Variants in KAT6B observed in about 807,000 individuals in gnomAD.
KAT6B encodes lysine acetyltransferase 6B, also known as histone acetyltransferase KAT6B.
KAT6B carries 10 observed loss-of-function variants against 187.5 expected under a neutral mutation model. The observed-to-expected ratio is 0.05, with a 90% CI of 0.03 to 0.09. The LOEUF (loss-of-function observed/expected upper bound fraction) is 0.09. KAT6B is among the 10% of genes least tolerant of loss of function. The pLI is 1.00. For missense variants in KAT6B, 1,952 were observed against 2,558.9 expected (o/e 0.76, Z 5.12); for synonymous variants, 861 against 926.8 (o/e 0.93, Z 1.29).
intron 13 of KAT6B, among the ~76,000 whole-genome samples, chr10:74,996,768 CAAAAA>C (rs56042160): frequency 2.6e-5 from 2 of 77,078 alleles, no homozygotes; most frequent in African/African-American, 4.9e-5. Flanking sequence ...GACTCGGTCT[CAAAAA>C]AAAAAAAAAA....
upstream of KAT6B, chr10:74,825,440 G>C (rs947355509): frequency 6.6e-6 from 1 of 151,330 alleles, no homozygotes; most frequent in Non-Finnish European, 1.5e-5. The surrounding 1 kb of genome is among the most constrained non-coding windows in gnomAD (Gnocchi z 5.0). Flanking sequence ...CGGGCGGCGC[G>C]GGGGGAGCGG....
chr10:74,838,351 T>G (rs1302728010), intron 1 of KAT6B, among the ~76,000 whole-genome samples: 1 of 152,166 alleles, frequency 6.6e-6, no homozygotes, highest in East Asian at 1.9e-4. Flanking sequence ...TGAGTAGTAG[T>G]GGGTTTTTGT....
chr10:74,894,823 A>G (rs12260609), intron 3 of KAT6B, among the ~76,000 whole-genome samples: 45,500 of 152,038 alleles, frequency 0.3, 12,307 homozygotes, highest in African/African-American at 0.71. Flanking sequence ...TCTGTTGGTG[A>G]ACATTTAGGG....
chr10:74,890,181 GGCACATGCCAGCT>G lies in KAT6B; in HGVS notation c.621+46706_621+46718del, dbSNP rs796561041. 3.9e-5 allele frequency among the ~76,000 whole-genome samples: 6 copies of G among 152,244 alleles called. No homozygotes were observed. The East Asian group carries it at 1.2e-3, about 29-fold the overall frequency. On this transcript the variant is annotated intron_variant, in intron 3 of 17. Transcript: ENST00000287239. ...AGCCTCCCCAGTAGCTGGGACTACA[GGCACATGCCAGCT>G]GCCTGGCTCATTTTGTATTTTTAGT...
Position 74,838,279 on chromosome 10 carries a change from T to C in KAT6B, c.-328-404T>C, listed in dbSNP as rs143181049. Among the ~76,000 whole-genome samples, 341 of 152,364 alleles carry C rather than the reference T, an allele frequency of 2.2e-3. 1 individual carries two copies. Among genetic ancestry groups the C allele is most frequent in the African/African-American group, 7.8e-3 (325 of 41,586 alleles). ...GAATGCTGCCCAGGAATGTGAATGCTGACCTTAAAACAACTTTTGACTGTC... is the reference window on the plus strand; with the variant it reads ...GAATGCTGCCCAGGAATGTGAATGCCGACCTTAAAACAACTTTTGACTGTC... On this transcript the variant is annotated intron_variant, in intron 1 of 17. Transcript: ENST00000287239.
intron 1 of KAT6B, among the ~76,000 whole-genome samples, chr10:74,830,768 ATTTTTTTTTTTTTTTTTTTT>A (rs1157500089): frequency 1.2e-4 from 2 of 17,110 alleles, no homozygotes; most frequent in East Asian, 2.1e-3. Flanking sequence ...ATATATATAT[ATTTTTTTTTTTTTTTTTTTT>A]TTTTTTTTTT....
At chr10:74,968,183 T>G (rs547922659) in intron 4 of KAT6B, among the ~76,000 whole-genome samples, 6 of 152,292 alleles carry the variant, frequency 3.9e-5, no homozygotes, top group Admixed American at 2.0e-4. Context: ...TGTCTTTGTT[T>G]GCCGTTCCTG....
At chr10:74,878,976 C>T (rs1411105316) in intron 3 of KAT6B, among the ~76,000 whole-genome samples, 2 of 152,150 alleles carry the variant, frequency 1.3e-5, no homozygotes, top group African/African-American at 2.4e-5. Context: ...AGGGTAACAG[C>T]GGAAACGTCT....
chr10:74,841,555 A>G (rs1294829895), intron 2 of KAT6B, among the ~76,000 whole-genome samples: 1 of 151,202 alleles, frequency 6.6e-6, no homozygotes, highest in South Asian at 2.1e-4. Context: ...ACAGAGCGAG[A>G]CTCTATCTCA....
At chr10:74,899,780 C>G (rs1416023806) in intron 3 of KAT6B, among the ~76,000 whole-genome samples, 1 of 151,856 alleles carries the variant, frequency 6.6e-6, no homozygotes, top group Non-Finnish European at 1.5e-5. Flanking sequence ...AACATTGATA[C>G]CAACATCATT....
chr10:74,864,144 C>T (rs928903141), intron 3 of KAT6B, among the ~76,000 whole-genome samples: 1 of 152,192 alleles, frequency 6.6e-6, no homozygotes. Flanking sequence ...TCTCAGCCCA[C>T]TGCAACCTCC....
intron 3 of KAT6B, among the ~76,000 whole-genome samples, chr10:74,869,426 T>A (rs1843763970): frequency 6.6e-6 from 1 of 152,144 alleles, no homozygotes; most frequent in Admixed American, 6.5e-5. Context: ...GCCTCCCTTG[T>A]AGCTGGGATT....
At chr10:74,919,257 T>C (rs1357669424) in intron 3 of KAT6B, among the ~76,000 whole-genome samples, 1 of 152,118 alleles carries the variant, frequency 6.6e-6, no homozygotes. Context: ...TTTCCTCTGG[T>C]TCTTATTTTT....
At chr10:74,944,244 G>A (rs1849925725) in intron 3 of KAT6B, among the ~76,000 whole-genome samples, 1 of 152,152 alleles carries the variant, frequency 6.6e-6, no homozygotes, top group African/African-American at 2.4e-5. Flanking sequence ...TCAGTAATGT[G>A]GGCCTGTATC....
At chr10:74,911,529 A>G (rs1476800144) in intron 3 of KAT6B, among the ~76,000 whole-genome samples, 1 of 151,950 alleles carries the variant, frequency 6.6e-6, no homozygotes, top group Non-Finnish European at 1.5e-5. Flanking sequence ...CAGCCTCCCA[A>G]AGTGCTGGGA....
intron 3 of KAT6B, among the ~76,000 whole-genome samples, chr10:74,858,029 A>G (rs11001185): frequency 6.9e-6 from 1 of 145,628 alleles, no homozygotes; most frequent in Non-Finnish European, 1.5e-5. Context: ...TTTCTTAATT[A>G]AAAAAAAAAA....
chr10:74,846,440 T>G (rs1842106950), intron 3 of KAT6B, among the ~76,000 whole-genome samples: 1 of 152,126 alleles, frequency 6.6e-6, no homozygotes. Flanking sequence ...ATTTTTGTTT[T>G]GTTTTTTTGT....
At chr10:74,925,197 C>T (rs1007412105) in intron 3 of KAT6B, among the ~76,000 whole-genome samples, 2 of 152,132 alleles carry the variant, frequency 1.3e-5, no homozygotes, top group Admixed American at 6.5e-5. Flanking sequence ...CTCTTCACCA[C>T]GTCTGGCTAA....
At chr10:74,870,810 C>T (rs902271331) in intron 3 of KAT6B, among the ~76,000 whole-genome samples, 2 of 151,916 alleles carry the variant, frequency 1.3e-5, no homozygotes, top group African/African-American at 4.8e-5. Flanking sequence ...CTCCTCACCT[C>T]AGGTGATCTG....
Sources: gnomAD v4.1 joint callset for allele counts (sites outside exome capture counted in the v4.1 genomes callset) on GRCh38, gnomAD v4.1.1 for gene constraint, Gnocchi (gnomAD v3.1) non-coding constraint, MANE v1.5 for transcripts, NCBI Gene and HGNC (gene_info 2026-07-23, HGNC 2026-07-21) for gene names.